STK10: variants seen among roughly 807,000 people sequenced by gnomAD.
STK10 encodes the protein serine/threonine kinase 10, also known as serine/threonine-protein kinase 10.
Under a neutral mutation model 113.8 loss-of-function variants are expected in STK10, and 78 were observed. The ratio of observed to expected loss-of-function variants is 0.69; its 90% CI spans 0.57 to 0.83. The LOEUF is 0.83. Ranked by LOEUF, STK10 falls within the 40% of genes least tolerant of loss-of-function variation. STK10 has a pLI of 0.00. For missense variants in STK10, 1,109 were observed against 1,280.1 expected (o/e 0.87, Z 2.04); for synonymous variants, 465 against 494.7 (o/e 0.94, Z 0.80).
intron 2 of STK10, among the ~76,000 whole-genome samples, chr5:172,142,327 A>G (rs1769990567): frequency 6.6e-6 from 1 of 152,182 alleles, no homozygotes; most frequent in African/African-American, 2.4e-5. Context: ...TCTCCACCAG[A>G]CCAGCCCTCT....
intron 2 of STK10, among the ~76,000 whole-genome samples, chr5:172,139,505 A>G (rs1176678035): frequency 2.6e-5 from 4 of 151,852 alleles, no homozygotes; most frequent in Non-Finnish European, 2.9e-5. Flanking sequence ...AAAAAAAAAA[A>G]AAAAGAAAAG....
rs199730939 is a variant in STK10, at chr5:172,146,053, ACACGTCACCAACT to A, written c.321+10558_321+10570del. ...GTGGCGTCCATCTGTTGTCCACAGC[ACACGTCACCAACT>A]CACGTCACCAACTCACATACTATAC... On this transcript the variant is annotated intron_variant, in intron 2 of 18. Transcript: ENST00000176763. Among the ~76,000 whole-genome samples, 889 of 152,258 alleles carry A rather than the reference ACACGTCACCAACT, an allele frequency of 5.8e-3. 7 individuals are homozygous for A. The highest frequency in any genetic ancestry group is 0.021 in the African/African-American group (858 of 41,528).
rs773041074 is a variant in STK10 at position 172,093,896 on chromosome 5, G to C, written c.1070C>G (p.Pro357Arg). Residue 357 changes from proline (P) to arginine (R), a missense_variant, in exon 9 of 19, where the codon CCT becomes CGT. Pro to Arg is a moderately radical substitution (Grantham distance 103). This residue lies in a region of STK10 where 885 missense variants were observed against 991.1 expected (regional missense o/e 0.89). Transcript: ENST00000176763. This position sits in a 1 kb window ranked among gnomAD's most constrained non-coding sequence, Gnocchi z 4.1. ...VSPPSLNADKPLEESPSTPLA... is the reference protein window; with the variant it reads ...VSPPSLNADKRLEESPSTPLA... ...CGGGGTGGAAGGTGACTCCTCGAGA[G>C]GCTTGTCAGCATTGAGGCTTGGCGG... 2.6e-6 allele frequency: 4 copies of C among 1,549,822 alleles called. No individual in the cohort carries two copies. The highest frequency in any genetic ancestry group is 3.5e-6 in the Non-Finnish European group (4 of 1,145,610).
At chr5:172,057,169 G>A in intron 15 of STK10, 180 bp downstream of exon 15, 1 of 769,718 alleles carries the variant, frequency 1.3e-6, no homozygotes, top group Non-Finnish European at 2.0e-6. Flanking sequence ...AGCCCCTTGA[G>A]CTGAAGCAGG....
At chr5:172,126,915 C>T (rs921227922) in intron 3 of STK10, among the ~76,000 whole-genome samples, 2 of 152,168 alleles carry the variant, frequency 1.3e-5, no homozygotes, top group Non-Finnish European at 2.9e-5. Context: ...GTGGCCAGTT[C>T]AAGGACACAC....
chr5:172,052,591 T>C (rs1020308580), intron 18 of STK10, among the ~76,000 whole-genome samples: 5 of 152,236 alleles, frequency 3.3e-5, no homozygotes, highest in East Asian at 1.9e-4. Context: ...CTCCTCAGAA[T>C]AACTTCCTCT....
chr5:172,143,747 C>T (rs759589927), intron 2 of STK10, among the ~76,000 whole-genome samples: 4 of 152,200 alleles, frequency 2.6e-5, no homozygotes, highest in Non-Finnish European at 5.9e-5. Flanking sequence ...AGCGAAGTCA[C>T]TTTATCCTTG....
chr5:172,046,915 C>T (rs1422372862), intron 18 of STK10, among the ~76,000 whole-genome samples: 2 of 152,160 alleles, frequency 1.3e-5, no homozygotes, highest in Admixed American at 1.3e-4. Flanking sequence ...TTTTACAGCC[C>T]GAAAAGCCAG....
At chr5:172,053,567 G>A (rs1042966003) in intron 17 of STK10, among the ~76,000 whole-genome samples, 5 of 152,224 alleles carry the variant, frequency 3.3e-5, no homozygotes, top group Non-Finnish European at 7.3e-5. Flanking sequence ...CTTTCTCTGA[G>A]GTAAGTTATC....
intron 2 of STK10, among the ~76,000 whole-genome samples, chr5:172,143,866 G>A (rs1033519203): frequency 1.3e-5 from 2 of 152,182 alleles, no homozygotes; most frequent in African/African-American, 4.8e-5. Context: ...GAATAAACAT[G>A]AATGAAAAAA....
At chr5:172,106,013 G>T (rs900345215) in intron 6 of STK10, among the ~76,000 whole-genome samples, 1 of 152,076 alleles carries the variant, frequency 6.6e-6, no homozygotes, top group Non-Finnish European at 1.5e-5. Context: ...CCGATGTCCC[G>T]CCCAGGGTGT....
intron 15 of STK10, 72 bp downstream of exon 15, chr5:172,057,277 C>G: frequency 1.9e-6 from 3 of 1,539,976 alleles, no homozygotes; most frequent in Non-Finnish European, 2.6e-6. Context: ...GGTGCCCCAT[C>G]ACATACAGCC....
At chr5:172,146,852 C>T (rs777196124) in intron 2 of STK10, among the ~76,000 whole-genome samples, 48 of 152,212 alleles carry the variant, frequency 3.2e-4, no homozygotes, top group Middle Eastern at 6.3e-3. Context: ...GGGTTTTCCC[C>T]ACACACAGGC....
chr5:172,182,943 A>G (rs1490409397), intron 1 of STK10, among the ~76,000 whole-genome samples: 2 of 152,170 alleles, frequency 1.3e-5, no homozygotes, highest in African/African-American at 4.8e-5. Context: ...TCAGTGGCTC[A>G]TACCTATAAT....
chr5:172,088,352 C>T (rs1015279466), intron 10 of STK10, among the ~76,000 whole-genome samples: 6 of 151,954 alleles, frequency 3.9e-5, no homozygotes, highest in South Asian at 4.1e-4. Context: ...GGTGAAACCC[C>T]GTGTGTACTA....
Position 172,071,874 on chromosome 5 carries a change from G to T in STK10, c.1990-7062C>A, listed in dbSNP as rs550048841. ...CTATGCTGCATCTCCTTTGCTGTGT[G>T]TCTCATGTTTAAATTCTTTAAAGCC... On this transcript the variant is annotated intron_variant, in intron 12 of 18. Transcript: ENST00000176763. Among the ~76,000 whole-genome samples, 3 of 152,104 alleles carry T rather than the reference G, an allele frequency of 2.0e-5. No individual in the cohort carries two copies. In the South Asian group the frequency reaches 6.2e-4, roughly 32 times the overall value.
At chr5:172,128,574 A>G (rs1769680197) in intron 2 of STK10, among the ~76,000 whole-genome samples, 1 of 151,650 alleles carries the variant, frequency 6.6e-6, no homozygotes, top group African/African-American at 2.4e-5. Context: ...CAGGTGATCC[A>G]CCCGCCCTGG....
rs1239185061 is a variant in STK10, at chr5:172,120,666, G to C, written c.371-3036C>G. 1.3e-5 allele frequency among the ~76,000 whole-genome samples: 2 copies of C among 152,160 alleles called. No homozygotes were observed. The highest frequency in any genetic ancestry group is 4.8e-5 in the African/African-American group (2 of 41,434). Reference sequence around the variant, plus strand: ...GGATGATTATAATCGACATAGGCAGGGCTCCAGCCATCAGCCATGTTCAGT... The same window carrying C: ...GGATGATTATAATCGACATAGGCAGCGCTCCAGCCATCAGCCATGTTCAGT... On this transcript the variant is annotated intron_variant, in intron 3 of 18. Transcript: ENST00000176763. This position sits in a 1 kb window ranked among gnomAD's most constrained non-coding sequence, Gnocchi z 4.0.
rs1474561559 is a variant in STK10 at position 172,044,725 on chromosome 5, G to A, written c.*157C>T. 1 of 1,222,436 alleles carries A rather than the reference G, an allele frequency of 8.2e-7. No individual in the cohort carries two copies. Among genetic ancestry groups the A allele is most frequent in the Non-Finnish European group, 1.2e-6 (1 of 858,624 alleles). 75.7% of individuals were successfully genotyped at this position (1,222,436 alleles called of 1,614,324 possible). On this transcript the variant is annotated 3_prime_UTR_variant, in exon 19 of 19. Coordinates refer to ENST00000176763, the MANE Select transcript of STK10 (RefSeq NM_005990.4). The surrounding 1 kb of genome is among the most constrained non-coding windows in gnomAD (Gnocchi z 4.5). Reference sequence around the variant, plus strand: ...CAAGAAGTCAGGAACGCTGGGGCAGGTCTATCAGGCACAGTTGGGGTGGCA... The same window carrying A: ...CAAGAAGTCAGGAACGCTGGGGCAGATCTATCAGGCACAGTTGGGGTGGCA...
Sources: gnomAD v4.1 joint callset for allele counts (sites outside exome capture counted in the v4.1 genomes callset) on GRCh38, gnomAD v4.1.1 for gene constraint, gnomAD v4.1.1 regional missense constraint, Gnocchi (gnomAD v3.1) non-coding constraint, MANE v1.5 for transcripts, NCBI Gene and HGNC (gene_info 2026-07-23, HGNC 2026-07-21) for gene names.